Variants in KDM2A observed in about 807,000 individuals in gnomAD.
KDM2A encodes the protein lysine-specific demethylase 2A.
Under a neutral mutation model 137.3 loss-of-function variants are expected in KDM2A, and 3 were observed. The observed-to-expected ratio is 0.02, with a 90% CI of 0.01 to 0.06. The LOEUF is 0.06. Among genes scored for constraint, KDM2A ranks in the 10% least tolerant of loss-of-function variants. KDM2A has a pLI of 1.00. For synonymous variants in KDM2A, 512 were observed against 541.5 expected (o/e 0.95, Z 0.76); for missense variants, 738 against 1,510.6 (o/e 0.49, Z 8.48).
At chr11:67,190,678 T>C (rs1196964939) in intron 5 of KDM2A, among the ~76,000 whole-genome samples, 1 of 152,020 alleles carries the variant, frequency 6.6e-6, no homozygotes, top group Admixed American at 6.6e-5. Flanking sequence ...TGAGAATCGC[T>C]TGAACTGAGG....
At chr11:67,166,453 T>C (rs1856748243) in intron 2 of KDM2A, among the ~76,000 whole-genome samples, 1 of 152,112 alleles carries the variant, frequency 6.6e-6, no homozygotes, top group South Asian at 2.1e-4. Context: ...CCTAAAGTGT[T>C]AGGATTACAG....
At chr11:67,236,832 G>A (rs1161322453) in intron 12 of KDM2A, among the ~76,000 whole-genome samples, 2 of 152,208 alleles carry the variant, frequency 1.3e-5, no homozygotes, top group Non-Finnish European at 2.9e-5. Flanking sequence ...AATAATGCCT[G>A]CCTGCTCTGT....
intron 10 of KDM2A, among the ~76,000 whole-genome samples, chr11:67,226,809 C>T (rs1343144206): frequency 6.6e-6 from 1 of 152,134 alleles, no homozygotes; most frequent in Admixed American, 6.6e-5. Flanking sequence ...GCGAGCTGCT[C>T]TTTTATTTTC....
At chr11:67,202,094 A>C (rs897936370) in intron 5 of KDM2A, among the ~76,000 whole-genome samples, 2 of 152,210 alleles carry the variant, frequency 1.3e-5, no homozygotes, top group African/African-American at 2.4e-5. Flanking sequence ...CAGTGGAGGA[A>C]GTAACTGCAA....
chr11:67,142,390 C>T (rs1399016558), intron 2 of KDM2A, among the ~76,000 whole-genome samples: 5 of 150,056 alleles, frequency 3.3e-5, no homozygotes, highest in Non-Finnish European at 7.4e-5. Flanking sequence ...GTGGCTCATG[C>T]CTGTAATCCC....
intron 10 of KDM2A, among the ~76,000 whole-genome samples, chr11:67,222,899 GAAA>G (rs540872235): frequency 7.1e-6 from 1 of 140,104 alleles, no homozygotes; most frequent in East Asian, 2.1e-4. Context: ...AAATAAGGGG[GAAA>G]AAAAAAAAAG....
At chr11:67,189,109 C>G (rs746457826) in intron 5 of KDM2A, among the ~76,000 whole-genome samples, 2 of 152,130 alleles carry the variant, frequency 1.3e-5, no homozygotes, top group Non-Finnish European at 2.9e-5. Flanking sequence ...CAATAGCATA[C>G]ACATTCTTTT....
chr11:67,252,871 C>A lies in KDM2A; in HGVS notation c.2932+14C>A, dbSNP rs376986561. The A allele has an allele frequency of 2.1e-5, 34 of 1,592,282 alleles. No individual in the cohort carries two copies. The highest frequency in any genetic ancestry group is 2.5e-5 in the Non-Finnish European group (29 of 1,166,816). On this transcript the variant is annotated intron_variant, in intron 18 of 20. Transcript: ENST00000529006. ...ATAGGCTGCCAGGTAAGTGAGCAGC[C>A]CTGCCGCTGTCTTTCCAGGGGCCCA...
intron 5 of KDM2A, among the ~76,000 whole-genome samples, chr11:67,204,267 TCA>T (rs1026963811): frequency 5.3e-5 from 8 of 152,158 alleles, no homozygotes; most frequent in African/African-American, 1.9e-4. Flanking sequence ...TCAAGTTTTT[TCA>T]CAGTGTGCAA....
rs574479754 is a variant in KDM2A at position 67,241,742 on chromosome 11, A to AG, written c.1480-1266dup. ...AGAAGAAGAAGGATTCCATTATACTAGAAGATTTGGGTTTCAGGAGTTTCT... is the reference window on the plus strand; with the variant it reads ...AGAAGAAGAAGGATTCCATTATACTAGGAAGATTTGGGTTTCAGGAGTTTCT... On this transcript the variant is annotated intron_variant, in intron 12 of 20. Transcript: ENST00000529006. 1.7e-3 allele frequency among the ~76,000 whole-genome samples: 256 copies of AG among 152,298 alleles called. 3 individuals carry two copies. Among genetic ancestry groups the AG allele is most frequent in the East Asian group, 1.4e-3 (7 of 5,184 alleles).
At chr11:67,229,224 C>G (rs1267189197) in intron 11 of KDM2A, among the ~76,000 whole-genome samples, 1 of 152,182 alleles carries the variant, frequency 6.6e-6, no homozygotes, top group Non-Finnish European at 1.5e-5. Context: ...TATTTAAAAA[C>G]TTGTCCATGA....
intron 6 of KDM2A, 35 bp from the exon 7 acceptor site, chr11:67,215,305 C>A: frequency 7.0e-7 from 1 of 1,432,950 alleles, no homozygotes; most frequent in South Asian, 1.2e-5. Flanking sequence ...CAACCTTTCC[C>A]TTGGAGCCCA....
At chr11:67,152,576 C>G (rs993663546) in intron 2 of KDM2A, among the ~76,000 whole-genome samples, 3 of 151,756 alleles carry the variant, frequency 2.0e-5, no homozygotes, top group Non-Finnish European at 4.4e-5. Context: ...CCACTGCACT[C>G]TAGCTTCAGT....
At chr11:67,165,311 G>A (rs1007247304) in intron 2 of KDM2A, among the ~76,000 whole-genome samples, 10 of 151,866 alleles carry the variant, frequency 6.6e-5, no homozygotes, top group East Asian at 1.9e-4. Context: ...TAGTAGAGAC[G>A]AGGTTTCTCC....
chr11:67,167,134 A>G (rs190622825), intron 2 of KDM2A, among the ~76,000 whole-genome samples: 1 of 152,334 alleles, frequency 6.6e-6, no homozygotes, highest in East Asian at 1.9e-4. Flanking sequence ...GCACCCAAGG[A>G]GACAAATATA....
rs34517858 is a variant in KDM2A, at chr11:67,124,614, CT to C, written c.42+3279del. 3.6e-3 allele frequency among the ~76,000 whole-genome samples: 400 copies of C among 112,668 alleles called. 1 individual carries two copies. The highest frequency in any genetic ancestry group is 0.01 in the East Asian group (38 of 3,654). 73.9% of individuals were successfully genotyped at this position (112,668 alleles called of 152,430 possible). On this transcript the variant is annotated intron_variant, in intron 2 of 20. Transcript: ENST00000529006. The stretch of plus-strand genomic sequence containing the variant: ...GGTGCGAGCCACTGTGCCTGGCCCA[CT>C]TTTTTTTTTTTTTTTTTTTTTTAAA...
chr11:67,196,675 C>A (rs1857490730), intron 5 of KDM2A: 1 of 322,360 alleles, frequency 3.1e-6, no homozygotes, highest in Non-Finnish European at 6.1e-6. Context: ...ATAGAGTAAC[C>A]AAAATCATGG....
chr11:67,139,151 C>T (rs1171851606), intron 2 of KDM2A, among the ~76,000 whole-genome samples: 22 of 152,036 alleles, frequency 1.4e-4, no homozygotes, highest in Non-Finnish European at 2.1e-4. Context: ...CCCATTACTA[C>T]GCCCTTCCTG....
chr11:67,144,580 A>G (rs1856200120), intron 2 of KDM2A, among the ~76,000 whole-genome samples: 1 of 147,932 alleles, frequency 6.8e-6, no homozygotes, highest in East Asian at 2.1e-4. Flanking sequence ...TAAATTTTTT[A>G]GAGACAAGGT....
Sources: gnomAD v4.1 joint callset for allele counts (sites outside exome capture counted in the v4.1 genomes callset) on GRCh38, gnomAD v4.1.1 for gene constraint, MANE v1.5 for transcripts, NCBI Gene and HGNC (gene_info 2026-07-23, HGNC 2026-07-21) for gene names.